Variants in TUBB8B observed in about 807,000 individuals in gnomAD.
The protein encoded by TUBB8B is tubulin beta 8B, also known as HSA18p11 beta-tubulin 4Q pseudogene.
In TUBB8B, 26 loss-of-function variants were observed where a neutral mutation model predicts 31.9. The observed-to-expected ratio is 0.81, with a 90% CI of 0.60 to 1.13. The LOEUF (loss-of-function observed/expected upper bound fraction) is 1.13, where lower values mean the gene tolerates loss of function less well. Among genes scored for constraint, TUBB8B ranks in the 50% most tolerant of loss-of-function variants. The pLI is 0.00. For synonymous variants in TUBB8B, 173 were observed against 231.0 expected, an observed-to-expected ratio of 0.75 and a Z score of 2.28; for missense variants, 467 against 586.7, an observed-to-expected ratio of 0.80 and a Z score of 2.11.
At position 47,340 on chromosome 18, in the gene TUBB8B, A is replaced by T; in HGVS notation, c.*50T>A. The T allele has an allele frequency of 1.6e-6, 1 of 641,880 alleles. No individual in the cohort carries two copies. The highest frequency in any genetic ancestry group is 1.8e-5 in the South Asian group (1 of 56,266). 39.8% of individuals were successfully genotyped at this position (641,880 alleles called of 1,614,324 possible). On this transcript the variant is annotated 3_prime_UTR_variant, in exon 4 of 4. Coordinates refer to ENST00000308911, the MANE Select transcript of TUBB8B (RefSeq NM_001358689.2). ...TATAGTGACACATGGCTGTCAGAAC[A>T]CAGTAAAGAATCCACACTGCTTCCC... is the stretch of plus-strand genomic sequence containing the variant.
chr18:67,197 G>A, the TUBB8B span, among the ~76,000 whole-genome samples: 121 of 152,198 alleles, frequency 8.0e-4, 1 homozygote, highest in East Asian at 0.011. Flanking sequence ...GGGTTTCACC[G>A]TGTTAGCCAG....
In TUBB8B at chr18:47,310, A is replaced by T. The variant is rs1402592586; in HGVS notation, c.*80T>A. ...AGGAGATGTGAAGACACAAATTAAC[A>T]AGCGTATAGTGACACATGGCTGTCA... On this transcript the variant is annotated 3_prime_UTR_variant, in exon 4 of 4. Transcript: ENST00000308911. 2.4e-5 allele frequency: 14 copies of T among 593,682 alleles called. No homozygotes were observed. In the East Asian group the frequency reaches 3.9e-4, roughly 16 times the overall value. 36.8% of individuals were successfully genotyped at this position (593,682 alleles called of 1,614,324 possible).
chr18:63,354 T>C, the TUBB8B span, among the ~76,000 whole-genome samples: 1 of 151,838 alleles, frequency 6.6e-6, no homozygotes, highest in African/African-American at 2.4e-5. Context: ...GGTACTGCTG[T>C]GGTGGCCTTG....
chr18:59,305 T>C, the TUBB8B span, among the ~76,000 whole-genome samples: 1 of 151,732 alleles, frequency 6.6e-6, no homozygotes, highest in Non-Finnish European at 1.5e-5. Context: ...TTCAGAATTA[T>C]GTTGAATTAC....
At chr18:48,813 G>C (rs115080061) in intron 3 of TUBB8B, 127 bp downstream of exon 3, 5 of 764,398 alleles carry the variant, frequency 6.5e-6, no homozygotes, top group Admixed American at 4.0e-5. Context: ...GAAGCGACTC[G>C]ACTCGGCGGA....
At chr18:60,664 A>G in the TUBB8B span, among the ~76,000 whole-genome samples, 76 of 151,634 alleles carry the variant, frequency 5.0e-4, no homozygotes, top group African/African-American at 1.8e-3. Context: ...CTATGTTTCT[A>G]TTATTGTTTG....
chr18:65,710 G>A, the TUBB8B span, among the ~76,000 whole-genome samples: 3 of 152,032 alleles, frequency 2.0e-5, no homozygotes, highest in Admixed American at 6.5e-5. Flanking sequence ...ACAACAAATA[G>A]GAGAGAAAAG....
Position 47,877 on chromosome 18 carries a change from G to T in TUBB8B, c.848C>A (p.Ala283Asp). The T allele has an allele frequency of 6.2e-7, 1 of 1,611,278 alleles. No individual in the cohort carries two copies. The stretch of plus-strand genomic sequence containing the variant: ...CTGGGTGAGCTCAGCCACAGTCAAG[G>T]CCCGGTACTGCTGGCTGCCCCGGCT... ...LTSRGSQQYRALTVAELTQQM... is the reference protein window; with the variant it reads ...LTSRGSQQYRDLTVAELTQQM... Residue 283 changes from alanine to aspartate, a missense_variant, in exon 4 of 4, where the codon GCC (alanine) becomes GAC (aspartate). Ala to Asp is a moderately radical substitution (Grantham distance 126). Around this residue, in one of 2 missense-constraint regions of TUBB8B, gnomAD observed 259 missense variants for 380.1 expected, o/e 0.68. Transcript: ENST00000308911.
chr18:63,794 G>A, the TUBB8B span, among the ~76,000 whole-genome samples: 547 of 117,864 alleles, frequency 4.6e-3, 5 homozygotes, highest in African/African-American at 0.017. Flanking sequence ...AGCCCTAACC[G>A]TTACGCTAAC....
At chr18:66,997 T>G in the TUBB8B span, among the ~76,000 whole-genome samples, 15,436 of 89,704 alleles carry the variant, frequency 0.17, 865 homozygotes, top group South Asian at 0.28. Flanking sequence ...GTTTTTTTTG[T>G]TTTTTTTTTT....
chr18:63,776 C>G, the TUBB8B span, among the ~76,000 whole-genome samples: 1 of 149,094 alleles, frequency 6.7e-6, no homozygotes, highest in African/African-American at 2.5e-5. Context: ...AACCCTAGCC[C>G]TAGCCTTAGC....
the TUBB8B span, among the ~76,000 whole-genome samples, chr18:71,365 T>C: frequency 2.0e-5 from 3 of 151,552 alleles, no homozygotes; most frequent in Non-Finnish European, 2.9e-5. Context: ...CTGACCAACA[T>C]GGTGAAATCC....
the TUBB8B span, among the ~76,000 whole-genome samples, chr18:64,605 T>C: frequency 6.6e-6 from 1 of 151,468 alleles, no homozygotes; most frequent in South Asian, 2.1e-4. Context: ...CGTGCCTGTG[T>C]TCCCAGCTAC....
At position 47,745 on chromosome 18, in the gene TUBB8B, T is replaced by A. The variant is rs1905707994; in HGVS notation, c.980A>T (p.Asp327Val). ...ATCTTGAATGTTGAACATTTGTTCA[T>A]CCACCTCCCTCATGGGCATGCGACC... ...FRGRMPMREV[D>V]EQMFNIQDKN... The change falls in exon 4 of 4, where the codon GAT becomes GTT. Residue 327 changes from aspartate (D) to valine (V), a missense_variant. Coordinates refer to ENST00000308911, the MANE Select transcript of TUBB8B (RefSeq NM_001358689.2). 1 of 1,610,702 alleles carries A rather than the reference T, an allele frequency of 6.2e-7. No homozygotes were observed. The highest frequency in any genetic ancestry group is 1.7e-5 in the Admixed American group (1 of 59,976).
At chr18:72,440 C>T in the TUBB8B span, among the ~76,000 whole-genome samples, 1 of 151,960 alleles carries the variant, frequency 6.6e-6, no homozygotes, top group Non-Finnish European at 1.5e-5. Flanking sequence ...ATTACAAATA[C>T]ACTGTAAATT....
chr18:63,260 G>T, the TUBB8B span, among the ~76,000 whole-genome samples: 3 of 151,728 alleles, frequency 2.0e-5, no homozygotes, highest in Non-Finnish European at 4.4e-5. Context: ...GGGCTTCTTT[G>T]TGCCCATTAT....
chr18:68,680 C>T, the TUBB8B span, among the ~76,000 whole-genome samples: 1 of 152,144 alleles, frequency 6.6e-6, no homozygotes, highest in Admixed American at 6.6e-5. Flanking sequence ...CATTTTCAAA[C>T]CCAAGGTTCA....
At chr18:48,816 T>C in intron 3 of TUBB8B, 124 bp downstream of exon 3, 1 of 772,868 alleles carries the variant, frequency 1.3e-6, no homozygotes. Context: ...GCGACTCGAC[T>C]CGGCGGATAG....
At chr18:57,821 G>C in the TUBB8B span, among the ~76,000 whole-genome samples, 32 of 152,034 alleles carry the variant, frequency 2.1e-4, no homozygotes, top group African/African-American at 7.7e-4. Flanking sequence ...TACATTATTT[G>C]AAGTAAAGGT....
Sources: gnomAD v4.1 joint callset for allele counts (sites outside exome capture counted in the v4.1 genomes callset) on GRCh38, gnomAD v4.1.1 for gene constraint, gnomAD v4.1.1 regional missense constraint, MANE v1.5 for transcripts, NCBI Gene and HGNC (gene_info 2026-07-23, HGNC 2026-07-21) for gene names.